Variants in RAB38 observed in about 807,000 individuals in gnomAD.
RAB38 encodes ras-related protein Rab-38.
In RAB38, 15 loss-of-function variants were observed where a neutral mutation model predicts 18.4. The observed-to-expected ratio is 0.82, with a 90% confidence interval of 0.55 to 1.26. The LOEUF (loss-of-function observed/expected upper bound fraction) is 1.26, where lower values mean the gene tolerates loss of function less well. RAB38 is among the 50% of genes most tolerant of loss of function. The pLI, the probability that RAB38 is intolerant of heterozygous loss-of-function variation, is 0.00. For missense variants in RAB38, 294 were observed against 267.4 expected (o/e 1.10, Z -0.69); for synonymous variants, 101 against 104.4 (o/e 0.97, Z 0.20).
At chr11:88,091,725 G>T in the RAB38 span, among the ~76,000 whole-genome samples, 1 of 151,928 alleles carries the variant, frequency 6.6e-6, no homozygotes, top group Non-Finnish European at 1.5e-5. Flanking sequence ...CCAGCATTGG[G>T]GCTAGCCTGG....
chr11:87,926,306 C>A, the RAB38 span, among the ~76,000 whole-genome samples: 1 of 151,830 alleles, frequency 6.6e-6, no homozygotes, highest in Non-Finnish European at 1.5e-5. Context: ...ATTACCTTCC[C>A]TAAAATTAAA....
the RAB38 span, among the ~76,000 whole-genome samples, chr11:87,952,995 ACATTAAAATTAAAATTTTAAT>A: frequency 2.6e-5 from 4 of 152,142 alleles, no homozygotes; most frequent in Non-Finnish European, 5.9e-5. Flanking sequence ...AACATTTAAA[ACATTAAAATTAAAATTTTAAT>A]AACTTTTTAA....
At chr11:88,076,084 TAAAAA>T in the RAB38 span, among the ~76,000 whole-genome samples, 1 of 150,894 alleles carries the variant, frequency 6.6e-6, no homozygotes, top group Non-Finnish European at 1.5e-5. Flanking sequence ...CCAGACTGAC[TAAAAA>T]AGAGAGAAAA....
chr11:88,007,646 G>C, the RAB38 span, among the ~76,000 whole-genome samples: 2 of 152,172 alleles, frequency 1.3e-5, no homozygotes, highest in African/African-American at 2.4e-5. Context: ...GCTGGTGAAA[G>C]CATAAGGTGA....
At chr11:87,976,285 T>C in the RAB38 span, among the ~76,000 whole-genome samples, 1,684 of 144,662 alleles carry the variant, frequency 0.012, 39 homozygotes, top group African/African-American at 0.04. Context: ...TGTATATATA[T>C]ATATACATAC....
At chr11:87,911,982 T>G in the RAB38 span, among the ~76,000 whole-genome samples, 2 of 152,050 alleles carry the variant, frequency 1.3e-5, no homozygotes, top group South Asian at 4.1e-4. Context: ...TTTTTTCTGT[T>G]TTAGTCTCTT....
intron 2 of RAB38, among the ~76,000 whole-genome samples, chr11:88,114,462 C>T (rs1382494790): frequency 1.3e-5 from 2 of 152,172 alleles, no homozygotes; most frequent in Admixed American, 1.3e-4. Context: ...GTAGAAGAAA[C>T]ATAAACCTTT....
the RAB38 span, among the ~76,000 whole-genome samples, chr11:87,843,226 T>A: frequency 1.3e-5 from 2 of 152,212 alleles, no homozygotes; most frequent in African/African-American, 4.8e-5. Flanking sequence ...TGAGCGTCTT[T>A]CAGTAGAAGC....
chr11:87,899,557 G>A, the RAB38 span, among the ~76,000 whole-genome samples: 1 of 151,532 alleles, frequency 6.6e-6, no homozygotes, highest in African/African-American at 2.4e-5. Flanking sequence ...TACTAAATAG[G>A]TCCCACAGTT....
At chr11:87,881,671 G>A in the RAB38 span, among the ~76,000 whole-genome samples, 1 of 151,726 alleles carries the variant, frequency 6.6e-6, no homozygotes, top group African/African-American at 2.4e-5. Flanking sequence ...TTATGGGTTT[G>A]TCTAATATGA....
the RAB38 span, among the ~76,000 whole-genome samples, chr11:87,923,508 G>T: frequency 6.6e-6 from 1 of 151,216 alleles, no homozygotes; most frequent in Non-Finnish European, 1.5e-5. Context: ...GAGAATAGAA[G>T]GTATTTGTAT....
At chr11:87,823,897 A>T in the RAB38 span, among the ~76,000 whole-genome samples, 1 of 152,216 alleles carries the variant, frequency 6.6e-6, no homozygotes, top group African/African-American at 2.4e-5. Flanking sequence ...ATATAATATC[A>T]TAGAAAGCTA....
intron 1 of RAB38, among the ~76,000 whole-genome samples, chr11:88,172,968 C>T (rs547568070): frequency 7.9e-5 from 12 of 152,152 alleles, no homozygotes; most frequent in Non-Finnish European, 1.5e-4. Flanking sequence ...GTAACACCAC[C>T]GCAGTATCTG....
the RAB38 span, among the ~76,000 whole-genome samples, chr11:88,038,299 A>G: frequency 6.6e-6 from 1 of 152,138 alleles, no homozygotes; most frequent in Non-Finnish European, 1.5e-5. Context: ...AATATTAATT[A>G]CCATTTCAGA....
chr11:88,097,789 G>A, the RAB38 span: 1 of 151,914 alleles, frequency 6.6e-6, no homozygotes, highest in African/African-American at 2.4e-5. Context: ...TTCTGAAAAA[G>A]GACAATATGT....
At chr11:87,833,955 A>G in the RAB38 span, among the ~76,000 whole-genome samples, 2 of 152,322 alleles carry the variant, frequency 1.3e-5, no homozygotes, top group African/African-American at 4.8e-5. Flanking sequence ...AAGTATAATT[A>G]ATTATCCAGG....
intron 1 of RAB38, chr11:88,173,836 A>T: frequency 1.3e-5 from 13 of 985,436 alleles, no homozygotes; most frequent in Non-Finnish European, 1.6e-5. Flanking sequence ...TCATCTGTTC[A>T]CATGCTAAAA....
chr11:87,866,598 G>C, the RAB38 span, among the ~76,000 whole-genome samples: 1 of 151,604 alleles, frequency 6.6e-6, no homozygotes, highest in Non-Finnish European at 1.5e-5. Flanking sequence ...TACCAAACCT[G>C]CTTTTCATTT....
At chr11:87,870,688 G>T in the RAB38 span, among the ~76,000 whole-genome samples, 1 of 151,592 alleles carries the variant, frequency 6.6e-6, no homozygotes, top group Non-Finnish European at 1.5e-5. Context: ...CTCAAGCAAG[G>T]ATAGAACACA....
Sources: allele counts gnomAD v4.1 joint callset (sites outside exome capture counted in the v4.1 genomes callset), GRCh38; gene constraint gnomAD v4.1.1; transcripts MANE v1.5; gene names NCBI Gene and HGNC (gene_info 2026-07-23, HGNC 2026-07-21).